The following ARMH3 variants were observed in gnomAD, a reference collection of about 807,000 sequenced individuals.
ARMH3 encodes armadillo-like helical domain-containing protein 3.
Under a neutral mutation model 99.1 loss-of-function variants are expected in ARMH3, and 60 were observed. That is an observed-to-expected ratio of 0.61 (90% CI 0.49 to 0.75). The LOEUF (loss-of-function observed/expected upper bound fraction) is 0.75, where lower values mean the gene tolerates loss of function less well. ARMH3 is among the 30% of genes least tolerant of loss of function. The pLI is 0.00. For missense variants in ARMH3, 679 were observed against 843.1 expected, an observed-to-expected ratio of 0.81 and a Z score of 2.41; for synonymous variants, 285 against 292.8, an observed-to-expected ratio of 0.97 and a Z score of 0.27.
intron 24 of ARMH3, among the ~76,000 whole-genome samples, chr10:101,859,139 G>C (rs1197797580): frequency 2.6e-5 from 4 of 152,330 alleles, no homozygotes; most frequent in Admixed American, 6.5e-5. Flanking sequence ...GGTTGAGCCA[G>C]TAACACTAAG....
In ARMH3 at chr10:102,039,076, C is replaced by T. The variant is rs951994570; in HGVS notation, c.102+937G>A. Reference sequence around the variant, plus strand: ...TTTGTAAGTATTATTCTACTTTATGCGTACTACTTATGACCAGAATTTCAG... The same window carrying T: ...TTTGTAAGTATTATTCTACTTTATGTGTACTACTTATGACCAGAATTTCAG... On this transcript the variant is annotated intron_variant, in intron 2 of 25. Coordinates refer to ENST00000370033, the MANE Select transcript of ARMH3 (RefSeq NM_024541.3). Among the ~76,000 whole-genome samples, 6 of 152,000 alleles carry T rather than the reference C, an allele frequency of 3.9e-5. No homozygotes were observed. The East Asian group carries it at 7.7e-4, about 20-fold the overall frequency.
At chr10:101,858,973 A>G (rs187200497) in intron 24 of ARMH3, among the ~76,000 whole-genome samples, 3 of 152,368 alleles carry the variant, frequency 2.0e-5, no homozygotes. Flanking sequence ...GATTAGAGTT[A>G]GACCCTGATG....
intron 22 of ARMH3, among the ~76,000 whole-genome samples, chr10:101,941,558 A>C (rs548696768): frequency 6.6e-6 from 1 of 152,338 alleles, no homozygotes; most frequent in Admixed American, 6.5e-5. Flanking sequence ...AAGAAAGCTC[A>C]TCTGGCTGCT....
chr10:101,975,343 T>C lies in ARMH3; in HGVS notation c.1407-43A>G, dbSNP rs759782484. 13 of 1,482,226 alleles carry C rather than the reference T, an allele frequency of 8.8e-6. No homozygotes were observed. The African/African-American group carries it at 1.5e-4, about 17-fold the overall frequency. 91.8% of individuals were successfully genotyped at this position (1,482,226 alleles called of 1,614,324 possible). On this transcript the variant is annotated intron_variant, in intron 19 of 25. Transcript: ENST00000370033. Reference sequence around the variant, plus strand: ...AAAAATGAGGGTAAGCCTGAGAATATAGTGCAACTCACCAGAGATCCCTTC... The same window carrying C: ...AAAAATGAGGGTAAGCCTGAGAATACAGTGCAACTCACCAGAGATCCCTTC...
At chr10:101,860,172 T>G (rs1405606825) in intron 24 of ARMH3, among the ~76,000 whole-genome samples, 1 of 152,166 alleles carries the variant, frequency 6.6e-6, no homozygotes, top group East Asian at 1.9e-4. Flanking sequence ...AACACCCATT[T>G]GAGACTTCCC....
At chr10:101,991,699 T>C (rs1234986579) in intron 18 of ARMH3, among the ~76,000 whole-genome samples, 1 of 152,158 alleles carries the variant, frequency 6.6e-6, no homozygotes, top group Non-Finnish European at 1.5e-5. Flanking sequence ...TGATCATGTA[T>C]CTTGTAAATC....
At chr10:101,876,247 CAAAAAAA>C (rs34928343) in intron 24 of ARMH3, among the ~76,000 whole-genome samples, 2 of 83,494 alleles carry the variant, frequency 2.4e-5, no homozygotes, top group African/African-American at 1.0e-4. Flanking sequence ...GGCTCCATCT[CAAAAAAA>C]AAAAAAAAAA....
chr10:101,952,404 G>A lies in ARMH3; in HGVS notation c.1705+4193C>T, dbSNP rs142124175. 9.7e-4 allele frequency among the ~76,000 whole-genome samples: 147 copies of A among 152,236 alleles called. 1 individual carries two copies. In the Middle Eastern group the frequency reaches 0.01, roughly 11 times the overall value. ...AGGAAACACAAACAGTCACAGACCA[G>A]AGAAGACTAAGGAGTCACGATGACT... On this transcript the variant is annotated intron_variant, in intron 22 of 25. Transcript: ENST00000370033.
chr10:101,906,080 T>C (rs567755785), intron 23 of ARMH3, among the ~76,000 whole-genome samples: 1 of 152,368 alleles, frequency 6.6e-6, no homozygotes, highest in East Asian at 1.9e-4. Context: ...TATTCTGATT[T>C]GTTTAGCTCT....
chr10:102,056,167 G>C lies in ARMH3; in HGVS notation c.-94C>G, dbSNP rs901882053. Reference sequence around the variant, plus strand: ...CGCCACCGACGCTGCCGCTGCTCCGGGCTCACGGGCGCGCTCCCGACCTCC... The same window carrying C: ...CGCCACCGACGCTGCCGCTGCTCCGCGCTCACGGGCGCGCTCCCGACCTCC... On this transcript the variant is annotated 5_prime_UTR_variant, in exon 1 of 26. Coordinates refer to ENST00000370033, the MANE Select transcript of ARMH3 (RefSeq NM_024541.3). 1.3e-5 allele frequency: 2 copies of C among 152,180 alleles called. No homozygotes were observed. 9.4% of individuals were successfully genotyped at this position (152,180 alleles called of 1,614,324 possible). A position where few individuals can be genotyped will look rare whatever the true frequency, so the allele number is the denominator to read the frequency against.
chr10:102,006,215 T>C (rs1373369773), intron 14 of ARMH3, among the ~76,000 whole-genome samples: 9 of 152,256 alleles, frequency 5.9e-5, no homozygotes, highest in Non-Finnish European at 7.3e-5. Flanking sequence ...TTTCACAAAA[T>C]ATCTCATCTG....
At chr10:101,956,477 T>C (rs547645321) in intron 22 of ARMH3, 120 bp downstream of exon 22, 3 of 1,321,844 alleles carry the variant, frequency 2.3e-6, no homozygotes, top group Middle Eastern at 1.9e-4. Context: ...GAGACTACTA[T>C]ATTTCTGTGC....
chr10:101,958,035 C>T (rs1845117447), intron 20 of ARMH3, among the ~76,000 whole-genome samples: 1 of 152,212 alleles, frequency 6.6e-6, no homozygotes, highest in Non-Finnish European at 1.5e-5. Context: ...TTCAAATTTA[C>T]TCCCACATGG....
intron 23 of ARMH3, among the ~76,000 whole-genome samples, chr10:101,927,175 C>T (rs578219665): frequency 1.3e-5 from 2 of 152,136 alleles, no homozygotes; most frequent in South Asian, 4.2e-4. Flanking sequence ...ACTTCAGACA[C>T]CCATAAAAAG....
At chr10:102,031,795 A>G (rs2067137588) in intron 4 of ARMH3, among the ~76,000 whole-genome samples, 2 of 152,210 alleles carry the variant, frequency 1.3e-5, no homozygotes, top group South Asian at 4.2e-4. Flanking sequence ...GCTGGAGTGC[A>G]GTGGCACCAT....
intron 1 of ARMH3, among the ~76,000 whole-genome samples, chr10:102,053,214 TAAAAAAAAAAAA>T (rs1191838493): frequency 2.0e-4 from 10 of 49,008 alleles, no homozygotes; most frequent in East Asian, 1.2e-3. Flanking sequence ...CCTCAGAAGC[TAAAAAAAAAAAA>T]AAAAAAAAAA....
intron 1 of ARMH3, among the ~76,000 whole-genome samples, chr10:102,045,672 A>T (rs1387173305): frequency 6.6e-6 from 1 of 152,172 alleles, no homozygotes; most frequent in African/African-American, 2.4e-5. Context: ...TTAATATATA[A>T]GAAGAATCCA....
chr10:101,968,789 GA>G (rs1421037966), intron 20 of ARMH3, among the ~76,000 whole-genome samples: 1 of 152,142 alleles, frequency 6.6e-6, no homozygotes, highest in East Asian at 1.9e-4. Flanking sequence ...GTAGTGATTT[GA>G]AAGGGAAAAA....
chr10:102,010,076 C>G, intron 11 of ARMH3, 53 bp from the exon 12 acceptor site: 1 of 1,546,902 alleles, frequency 6.5e-7, no homozygotes, highest in South Asian at 1.1e-5. Context: ...ATGAGAGGAG[C>G]TTTATGCCTA....
Sources: gnomAD v4.1 joint callset for allele counts (sites outside exome capture counted in the v4.1 genomes callset) on GRCh38, gnomAD v4.1.1 for gene constraint, MANE v1.5 for transcripts, NCBI Gene and HGNC (gene_info 2026-07-23, HGNC 2026-07-21) for gene names.